The following EPHX1 variants were observed in gnomAD, a reference collection of about 807,000 sequenced individuals.
EPHX1 encodes epoxide hydrolase 1.
Under a neutral mutation model 43.2 loss-of-function variants are expected in EPHX1, and 40 were observed. The ratio of observed to expected loss-of-function variants is 0.93; its 90% CI spans 0.72 to 1.21. The LOEUF (loss-of-function observed/expected upper bound fraction) is 1.21. Among genes scored for constraint, EPHX1 ranks in the 50% most tolerant of loss-of-function variants. The pLI, the probability that EPHX1 is intolerant of heterozygous loss-of-function variation, is 0.00. For synonymous variants in EPHX1, 221 were observed against 226.7 expected (o/e 0.98, Z 0.22); for missense variants, 550 against 570.4 (o/e 0.96, Z 0.36).
At chr1:225,833,458 G>A (rs45440501) in intron 3 of EPHX1, among the ~76,000 whole-genome samples, 1,993 of 151,896 alleles carry the variant, frequency 0.013, 23 homozygotes, top group South Asian at 0.034. Flanking sequence ...GAGCTACAAG[G>A]ACACCACTGC....
Position 225,845,299 on chromosome 1 carries a change from G to A in EPHX1, c.1320G>A (p.Leu440=). 1 of 1,612,550 alleles carries A rather than the reference G, an allele frequency of 6.2e-7. No individual in the cohort carries two copies. The highest frequency in any genetic ancestry group is 8.5e-7 in the Non-Finnish European group (1 of 1,179,998). ...GHFAAFEEPE[L]LAQDIRKFLS... The stretch of plus-strand genomic sequence containing the variant: ...TTGCGGCCTTTGAGGAGCCGGAGCT[G>A]CTCGCCCAGGACATCCGCAAGTTCC... Residue 440 remains leucine, a synonymous_variant, in exon 9 of 9, where the codon CTG becomes CTA. Coordinates refer to ENST00000272167, the MANE Select transcript of EPHX1 (RefSeq NM_001136018.4).
At chr1:225,829,333 C>G (rs555749546) in intron 2 of EPHX1, among the ~76,000 whole-genome samples, 2 of 152,324 alleles carry the variant, frequency 1.3e-5, no homozygotes, top group African/African-American at 4.8e-5. Flanking sequence ...TGTGTGTCAG[C>G]CATTCCTGGT....
intron 1 of EPHX1, among the ~76,000 whole-genome samples, chr1:225,816,019 A>G (rs954593764): frequency 3.3e-5 from 5 of 152,234 alleles, no homozygotes; most frequent in African/African-American, 1.2e-4. Flanking sequence ...CTGGCCCGGC[A>G]TGGTGGCTCA....
At position 225,844,588 on chromosome 1, in the gene EPHX1, C is replaced by A; in HGVS notation, c.1131C>A (p.Asn377Lys). Residue 377 changes from asparagine (N) to lysine (K), a missense_variant, in exon 8 of 9, where the codon AAC becomes AAA. Physicochemically the swap from Asn to Lys is moderately conservative, Grantham distance 94. Transcript: ENST00000272167. ...CCTCCCAGCGCTTCTACAAGGAGAACCTGGGACAGGGCTGGATGACCCAGA... is the reference window on the plus strand; with the variant it reads ...CCTCCCAGCGCTTCTACAAGGAGAAACTGGGACAGGGCTGGATGACCCAGA... ...IISSQRFYKE[N>K]LGQGWMTQKH... The A allele has an allele frequency of 6.2e-7, 1 of 1,614,144 alleles. No homozygotes were observed. Among genetic ancestry groups the A allele is most frequent in the Non-Finnish European group, 8.5e-7 (1 of 1,180,004 alleles).
chr1:225,843,938 G>A (rs867960104), intron 7 of EPHX1, among the ~76,000 whole-genome samples: 27 of 152,260 alleles, frequency 1.8e-4, no homozygotes, highest in Admixed American at 3.9e-4. Flanking sequence ...AGAGATTCAG[G>A]GTTTGAGTGA....
rs372688661 is a variant in EPHX1 at position 225,840,054 on chromosome 1, G to T, written c.931+17G>T. 1.9e-6 allele frequency: 3 copies of T among 1,613,210 alleles called. No homozygotes were observed. Among genetic ancestry groups the T allele is most frequent in the Non-Finnish European group, 1.7e-6 (2 of 1,179,650 alleles). ...ACACCGTAGGTGAGTGTGCTCAGGG[G>T]TCCTCGCCCACTGCCGGCTCCACTG... On this transcript the variant is annotated intron_variant, in intron 6 of 8. Coordinates refer to ENST00000272167, the MANE Select transcript of EPHX1 (RefSeq NM_001136018.4).
intron 1 of EPHX1, 107 bp from the exon 2 acceptor site, chr1:225,828,618 C>A: frequency 1.0e-6 from 1 of 957,154 alleles, no homozygotes; most frequent in South Asian, 1.5e-5. Context: ...AAATCAGGGA[C>A]AGGGTTGGAG....
chr1:225,845,076 C>A, intron 8 of EPHX1, 70 bp from the exon 9 acceptor site: 4 of 1,544,324 alleles, frequency 2.6e-6, no homozygotes, highest in East Asian at 2.2e-5. Flanking sequence ...GGCGCTTTAA[C>A]CCCCTGCTGT....
chr1:225,838,734 G>A lies in EPHX1; in HGVS notation c.445G>A (p.Gly149Ser), dbSNP rs769650380. Residue 149 changes from glycine to serine, a missense_variant, in exon 4 of 9, where the codon GGC becomes AGC. By Grantham distance (56) the Gly-to-Ser change is moderately conservative (BLOSUM62 0). Transcript: ENST00000272167. ...HTPKPLLMVH[G>S]WPGSFYEFYK... is the part of the protein sequence containing the mutation. ...CCCGAAGCCCTTGCTGATGGTGCAC[G>A]GCTGGCCCGGCTCTTTCTACGAGTT... 39 of 1,614,150 alleles carry A rather than the reference G, an allele frequency of 2.4e-5. No individual in the cohort carries two copies. In the Middle Eastern group the frequency reaches 1.2e-3, roughly 48 times the overall value.
intron 1 of EPHX1, among the ~76,000 whole-genome samples, chr1:225,815,411 C>CTTTTTTTTT (rs5781415): frequency 1.3e-5 from 1 of 78,206 alleles, no homozygotes; most frequent in Admixed American, 1.6e-4. Context: ...AGCTAATTTT[C>CTTTTTTTTT]TTTTTTTTTT....
Position 225,828,857 on chromosome 1 carries a change from G to C in EPHX1, c.128G>C (p.Arg43Thr), listed in dbSNP as rs3738046. Reference sequence around the variant, plus strand: ...GGGCCAGGCACGAGGTCCGCAGCCAGGGAGGACGACAGCATCCGCCCTTTC... The same window carrying C: ...GGGCCAGGCACGAGGTCCGCAGCCACGGAGGACGACAGCATCCGCCCTTTC... ...WWGPGTRSAA[R>T]EDDSIRPFKV... The change falls in exon 2 of 9, where the codon AGG (arginine) becomes ACG (threonine). Residue 43 changes from arginine to threonine, a missense_variant. Transcript: ENST00000272167. 2,236 of 1,609,102 alleles carry C rather than the reference G, an allele frequency of 1.4e-3. 39 individuals are homozygous for C. In the East Asian group the frequency reaches 0.033, roughly 24 times the overall value.
intron 1 of EPHX1, among the ~76,000 whole-genome samples, chr1:225,822,167 T>C (rs962423141): frequency 4.6e-5 from 7 of 152,172 alleles, no homozygotes; most frequent in African/African-American, 1.7e-4. Flanking sequence ...AGGAGCCAAA[T>C]GTTCATCAAG....
At chr1:225,827,449 A>G (rs991740313) in intron 1 of EPHX1, among the ~76,000 whole-genome samples, 2 of 152,214 alleles carry the variant, frequency 1.3e-5, no homozygotes, top group African/African-American at 4.8e-5. Context: ...GAAGATGAAG[A>G]GCTAGATAAC....
intron 1 of EPHX1, among the ~76,000 whole-genome samples, chr1:225,820,003 C>T (rs77609918): frequency 0.038 from 5,802 of 152,272 alleles, 351 homozygotes; most frequent in African/African-American, 0.13. Context: ...AGGACAGCTG[C>T]GGTGAACCTT....
Position 225,839,290 on chromosome 1 carries a change from T to C in EPHX1, c.666T>C (p.Ile222=). The C allele has an allele frequency of 1.2e-6, 2 of 1,613,886 alleles. No homozygotes were observed. The highest frequency in any genetic ancestry group is 1.7e-6 in the Non-Finnish European group (2 of 1,179,970). The change falls in exon 5 of 9, where the codon ATT becomes ATC. Residue 222 remains isoleucine, a synonymous_variant. Transcript: ENST00000272167. Reference sequence around the variant, plus strand: ...GGCTGGGCTTCCAGGAATTCTACATTCAAGGAGGGGACTGGGGGTCCCTGA... The same window carrying C: ...GGCTGGGCTTCCAGGAATTCTACATCCAAGGAGGGGACTGGGGGTCCCTGA... The part of the protein sequence containing the change: ...MLRLGFQEFY[I]QGGDWGSLIC...
At chr1:225,814,445 C>G (rs1484798865) in intron 1 of EPHX1, among the ~76,000 whole-genome samples, 1 of 152,242 alleles carries the variant, frequency 6.6e-6, no homozygotes, top group Non-Finnish European at 1.5e-5. Flanking sequence ...AGTCTTCCCA[C>G]CCCAGTGTCA....
At chr1:225,838,904 A>G in intron 4 of EPHX1, 23 bp downstream of exon 4, 1 of 1,608,976 alleles carries the variant, frequency 6.2e-7, no homozygotes, top group Non-Finnish European at 8.5e-7. Flanking sequence ...TAGAGGTTCC[A>G]TAACTGCCCC....
Position 225,813,253 on chromosome 1 carries a change from T to G in EPHX1, c.-6+3084T>G, listed in dbSNP as rs1472547843. Among the ~76,000 whole-genome samples, 6 of 152,120 alleles carry G rather than the reference T, an allele frequency of 3.9e-5. 1 individual carries two copies. The highest frequency in any genetic ancestry group is 8.8e-5 in the Non-Finnish European group (6 of 68,004). Reference sequence around the variant, plus strand: ...CCACAGGGTAGGGGAGGCAAAATCTTAAGAGTTCAAGAGCCCTGAGTCAAG... The same window carrying G: ...CCACAGGGTAGGGGAGGCAAAATCTGAAGAGTTCAAGAGCCCTGAGTCAAG... On this transcript the variant is annotated intron_variant, in intron 1 of 8. Transcript: ENST00000272167.
chr1:225,833,504 AAGAG>A (rs983611704), intron 3 of EPHX1, among the ~76,000 whole-genome samples: 5 of 152,084 alleles, frequency 3.3e-5, no homozygotes, highest in African/African-American at 4.8e-5. Flanking sequence ...CTCTTAAAAA[AAGAG>A]AGAGAGGCTG....
Sources: allele counts gnomAD v4.1 joint callset (sites outside exome capture counted in the v4.1 genomes callset), GRCh38; gene constraint gnomAD v4.1.1; transcripts MANE v1.5; gene names NCBI Gene and HGNC (gene_info 2026-07-23, HGNC 2026-07-21).